OR51B5: variants seen among roughly 807,000 people sequenced by gnomAD.
The protein encoded by OR51B5 is olfactory receptor family 51 subfamily B member 5, also known as olfactory receptor 51B5.
For synonymous variants in OR51B5, 186 were observed against 144.8 expected (o/e 1.28, Z -2.04); for missense variants, 456 against 374.6 (o/e 1.22, Z -1.79).
downstream of OR51B5, chr11:5,341,444 A>G (rs1437110973): frequency 1.3e-5 from 2 of 152,234 alleles, no homozygotes. Flanking sequence ...GTAAAACACC[A>G]AAGACATAAA....
At chr11:5,341,642 A>C (rs961194368), downstream of OR51B5, among the ~76,000 whole-genome samples, 1 of 152,210 alleles carries the variant, frequency 6.6e-6, no homozygotes, top group Non-Finnish European at 1.5e-5. Flanking sequence ...GGAAATTTAC[A>C]CTTATTACAT....
intron 1 of OR51B5, chr11:5,402,663 C>A: frequency 2.1e-6 from 1 of 471,310 alleles, no homozygotes; most frequent in Non-Finnish European, 4.4e-6. Context: ...CATCCCAGGG[C>A]TGGAGTCAGA....
intron 1 of OR51B5, among the ~76,000 whole-genome samples, chr11:5,463,643 G>T (rs1230113640): frequency 1.3e-5 from 2 of 152,048 alleles, no homozygotes; most frequent in African/African-American, 4.8e-5. Flanking sequence ...GTTTTTGTTT[G>T]TTTGTTTATA....
intron 1 of OR51B5, among the ~76,000 whole-genome samples, chr11:5,464,906 G>A (rs891344187): frequency 7.2e-5 from 11 of 152,294 alleles, no homozygotes; most frequent in African/African-American, 2.6e-4. Context: ...CCCACCAACA[G>A]TGTAAAAGTG....
intron 1 of OR51B5, among the ~76,000 whole-genome samples, chr11:5,404,533 T>G (rs1256454154): frequency 1.3e-5 from 2 of 151,880 alleles, no homozygotes; most frequent in Non-Finnish European, 2.9e-5. Context: ...AATGGACCAA[T>G]CAGTGCTCTG....
intron 1 of OR51B5, among the ~76,000 whole-genome samples, chr11:5,369,050 A>T (rs1374732887): frequency 6.6e-6 from 1 of 152,200 alleles, no homozygotes; most frequent in Non-Finnish European, 1.5e-5. Flanking sequence ...ATTCACCAAG[A>T]TGAGTGCCTT....
chr11:5,441,521 A>G, intron 1 of OR51B5: 1 of 1,605,542 alleles, frequency 6.2e-7, no homozygotes, highest in Non-Finnish European at 8.5e-7. Flanking sequence ...GCATGGTGGG[A>G]GAATATAGAT....
chr11:5,364,886 AATG>A (rs1259113490), intron 1 of OR51B5, among the ~76,000 whole-genome samples: 1 of 152,216 alleles, frequency 6.6e-6, no homozygotes, highest in African/African-American at 2.4e-5. Flanking sequence ...AGTTTTATTA[AATG>A]ATTTTAGTAA....
At chr11:5,402,769 T>A in intron 1 of OR51B5, 1 of 471,490 alleles carries the variant, frequency 2.1e-6, no homozygotes, top group South Asian at 1.5e-5. Context: ...GATATTGCCC[T>A]ACATCAACCC....
chr11:5,489,560 T>G, intron 1 of OR51B5: 1 of 1,614,064 alleles, frequency 6.2e-7, no homozygotes, highest in Non-Finnish European at 8.5e-7. Flanking sequence ...AATCTCTATG[T>G]GCTGGTGCCT....
rs1383709141 is a variant in OR51B5 at position 5,486,428 on chromosome 11, C to T, written n.84+19141G>A. On this transcript the variant is annotated intron_variant and non_coding_transcript_variant, in intron 1 of 4. Transcript: ENST00000415970. ...GGTCCATGGTATGTGCCGCTAAATA[C>T]TGTTGGGTTACTGGAGACCTGAGGA... is the stretch of plus-strand genomic sequence containing the variant. Among the ~76,000 whole-genome samples the T allele has an allele frequency of 3.3e-5, 5 of 151,786 alleles. 1 individual carries two copies. Among genetic ancestry groups the T allele is most frequent in the Admixed American group, 2.6e-4 (4 of 15,234 alleles).
intron 1 of OR51B5, among the ~76,000 whole-genome samples, chr11:5,443,363 T>C (rs1191038411): frequency 6.6e-6 from 1 of 152,082 alleles, no homozygotes; most frequent in Admixed American, 6.6e-5. Context: ...GGTTTCTCTC[T>C]CCTCCCAATG....
upstream of OR51B5, among the ~76,000 whole-genome samples, chr11:5,347,910 G>A (rs1290520916): frequency 6.6e-6 from 1 of 152,136 alleles, no homozygotes. Flanking sequence ...ATTCTGAAAA[G>A]ATGATGCCCA....
chr11:5,484,485 C>T (rs973382001), intron 1 of OR51B5, among the ~76,000 whole-genome samples: 2 of 152,176 alleles, frequency 1.3e-5, no homozygotes, highest in Non-Finnish European at 2.9e-5. Flanking sequence ...GCTCTCTAGA[C>T]TCTGTCGTCC....
chr11:5,352,604 A>G (rs1330191202), intron 1 of OR51B5, among the ~76,000 whole-genome samples: 4 of 152,034 alleles, frequency 2.6e-5, no homozygotes, highest in Non-Finnish European at 5.9e-5. Context: ...TTAGAACATT[A>G]TTTTACCCTG....
chr11:5,345,129 T>C (rs140362853), upstream of OR51B5, among the ~76,000 whole-genome samples: 514 of 152,330 alleles, frequency 3.4e-3, no homozygotes, highest in Middle Eastern at 0.01. Flanking sequence ...ACGGAATTTT[T>C]GTTTTGTTTT....
chr11:5,353,111 G>T (rs982462976), intron 1 of OR51B5, among the ~76,000 whole-genome samples: 2 of 151,902 alleles, frequency 1.3e-5, no homozygotes, highest in African/African-American at 2.4e-5. Flanking sequence ...GTGAAGAAAT[G>T]AGACTTTCTT....
At chr11:5,395,926 T>C (rs1386021977) in intron 1 of OR51B5, among the ~76,000 whole-genome samples, 3 of 152,244 alleles carry the variant, frequency 2.0e-5, no homozygotes, top group South Asian at 2.1e-4. Flanking sequence ...AATGTGTCTA[T>C]TGAGTATTTG....
chr11:5,376,265 GAGAA>G (rs1849526430), intron 1 of OR51B5, among the ~76,000 whole-genome samples: 1 of 152,074 alleles, frequency 6.6e-6, no homozygotes, highest in African/African-American at 2.4e-5. Context: ...TGAAACCAAT[GAGAA>G]CAAAGACACA....
Sources: gnomAD v4.1 joint callset for allele counts (sites outside exome capture counted in the v4.1 genomes callset) on GRCh38, gnomAD v4.1.1 for gene constraint, MANE v1.5 for transcripts, NCBI Gene and HGNC (gene_info 2026-07-23, HGNC 2026-07-21) for gene names.